The following PCDHGB4 variants were observed in gnomAD, a reference collection of about 807,000 sequenced individuals.
PCDHGB4 encodes the protein protocadherin gamma subfamily B, 4.
In PCDHGB4, 38 loss-of-function variants were observed where a neutral mutation model predicts 60.5. The ratio of observed to expected loss-of-function variants is 0.63; its 90% CI spans 0.48 to 0.82. The LOEUF (loss-of-function observed/expected upper bound fraction) is 0.82, where lower values mean the gene tolerates loss of function less well. PCDHGB4 is among the 40% of genes least tolerant of loss of function. The pLI is 0.00. For missense variants in PCDHGB4, 1,109 were observed against 1,209.6 expected, an observed-to-expected ratio of 0.92 and a Z score of 1.23; for synonymous variants, 456 against 509.7, an observed-to-expected ratio of 0.89 and a Z score of 1.42.
In PCDHGB4 at chr5:141,487,268, G is replaced by A; in HGVS notation, c.2398-7539G>A. ...CCTCTACTTGGCTGTGTCCCTAGTG[G>A]CAATTTGCTTTGTCTCCTTTGGCTC... On this transcript the variant is annotated intron_variant, in intron 1 of 3. Transcript: ENST00000519479. This position sits in a 1 kb window ranked among gnomAD's most constrained non-coding sequence, Gnocchi z 5.0. 4 of 1,614,100 alleles carry A rather than the reference G, an allele frequency of 2.5e-6. No homozygotes were observed. The South Asian group carries it at 4.4e-5, about 18-fold the overall frequency.
chr5:141,430,939 G>A, intron 1 of PCDHGB4: 1 of 1,607,854 alleles, frequency 6.2e-7, no homozygotes, highest in South Asian at 1.1e-5. Flanking sequence ...GGGAGCTCGC[G>A]GAGCGCGGAG....
At position 141,416,345 on chromosome 5, in the gene PCDHGB4, A is replaced by T. The variant is rs542527661; in HGVS notation, c.2397+26064A>T. ...ATTTAACTTTCATTGCTCAATAGGG[A>T]TCCTGAGGAGGCTATAGAGGGTGAA... On this transcript the variant is annotated intron_variant, in intron 1 of 3. Transcript: ENST00000519479. The T allele has an allele frequency of 4.6e-5, 7 of 152,330 alleles. No homozygotes were observed. In the East Asian group the frequency reaches 1.3e-3, roughly 29 times the overall value. The allele number at this position is 152,330 out of a possible 1,614,324, so 9.4% of individuals were successfully genotyped here. A position where few individuals can be genotyped will look rare whatever the true frequency, so the allele number is the denominator to read the frequency against.
intron 1 of PCDHGB4, chr5:141,403,154 T>G (rs1166937788): frequency 6.2e-7 from 1 of 1,614,024 alleles, no homozygotes; most frequent in Non-Finnish European, 8.5e-7. Flanking sequence ...CCGCATCGTC[T>G]CTAGAGGTAG....
At position 141,489,871 on chromosome 5, in the gene PCDHGB4, G is replaced by C; in HGVS notation, c.2398-4936G>C. ...TGAAGCCCAGGCAAGACATCAGCTGGTGCTTACTGCTGTGGATGGGGGGAC... is the reference window on the plus strand; with the variant it reads ...TGAAGCCCAGGCAAGACATCAGCTGCTGCTTACTGCTGTGGATGGGGGGAC... On this transcript the variant is annotated intron_variant, in intron 1 of 3. Coordinates refer to ENST00000519479, the MANE Select transcript of PCDHGB4 (RefSeq NM_003736.4). The surrounding 1 kb of genome is among the most constrained non-coding windows in gnomAD (Gnocchi z 4.5). 1 of 1,614,206 alleles carries C rather than the reference G, an allele frequency of 6.2e-7. No individual in the cohort carries two copies.
At chr5:141,404,782 G>A in intron 1 of PCDHGB4, 1 of 1,613,964 alleles carries the variant, frequency 6.2e-7, no homozygotes. Context: ...GCCTATTCAA[G>A]GCCAGTGAGC....
chr5:141,411,859 C>CA (rs553337516), intron 1 of PCDHGB4: 8,585 of 145,752 alleles, frequency 0.059, 330 homozygotes, highest in Non-Finnish European at 0.088. Context: ...GACCCTGTCT[C>CA]AAAAAAAAAA....
chr5:141,399,691 C>T (rs2093867392), intron 1 of PCDHGB4: 1 of 1,613,362 alleles, frequency 6.2e-7, no homozygotes, highest in Admixed American at 1.7e-5. Flanking sequence ...CGAGCAGCTG[C>T]GCACCTTCGA....
intron 1 of PCDHGB4, chr5:141,408,475 CCGT>C: frequency 6.2e-7 from 1 of 1,614,032 alleles, no homozygotes; most frequent in Non-Finnish European, 8.5e-7. Context: ...ACCGAATAGA[CCGT>C]GAGCAAATAT....
chr5:141,409,195 T>G lies in PCDHGB4; in HGVS notation c.2397+18914T>G, dbSNP rs750681435. 3.7e-6 allele frequency: 6 copies of G among 1,613,890 alleles called. No homozygotes were observed. The African/African-American group carries it at 8.0e-5, about 22-fold the overall frequency. On this transcript the variant is annotated intron_variant, in intron 1 of 3. Transcript: ENST00000519479. Reference sequence around the variant, plus strand: ...ACGGAGGTGGTCTCTCTACCCAGTGTAAAGTAATCATAGAAATCCTTGATG... The same window carrying G: ...ACGGAGGTGGTCTCTCTACCCAGTGGAAAGTAATCATAGAAATCCTTGATG...
chr5:141,502,373 C>A (rs2099813965), intron 2 of PCDHGB4, among the ~76,000 whole-genome samples: 1 of 151,806 alleles, frequency 6.6e-6, no homozygotes, highest in African/African-American at 2.4e-5. Context: ...TTAAAGAGTC[C>A]AGGCCAGTTG....
At chr5:141,483,187 GTTT>G (rs899657161) in intron 1 of PCDHGB4, among the ~76,000 whole-genome samples, 2 of 152,172 alleles carry the variant, frequency 1.3e-5, no homozygotes, top group African/African-American at 4.8e-5. Flanking sequence ...AAGCCAAGGA[GTTT>G]TTATTTTATT....
chr5:141,460,938 A>G (rs532872249), intron 1 of PCDHGB4, among the ~76,000 whole-genome samples: 38 of 149,918 alleles, frequency 2.5e-4, no homozygotes, highest in African/African-American at 9.1e-4. Context: ...GTGTGTGTAT[A>G]TATATGTATT....
rs374181150 is a variant in PCDHGB4, at chr5:141,477,134, G to C, written c.2398-17673G>C. The C allele has an allele frequency of 2.5e-5, 41 of 1,614,092 alleles. No homozygotes were observed. Among genetic ancestry groups the C allele is most frequent in the Non-Finnish European group, 3.4e-5 (40 of 1,180,056 alleles). ...CGAAGGAGCACATTGCAAAGTGTTG[G>C]TGGAGGTTGTGGATGTGAATGACAA... is the stretch of plus-strand genomic sequence containing the variant. On this transcript the variant is annotated intron_variant, in intron 1 of 3. Coordinates refer to ENST00000519479, the MANE Select transcript of PCDHGB4 (RefSeq NM_003736.4). The surrounding 1 kb of genome is among the most constrained non-coding windows in gnomAD (Gnocchi z 4.9).
intron 1 of PCDHGB4, chr5:141,399,067 G>A (rs774399021): frequency 4.3e-6 from 7 of 1,613,834 alleles, no homozygotes; most frequent in African/African-American, 1.3e-5. Context: ...ATATTCAATG[G>A]TTGTAGAAGG....
rs771459458 is a variant in PCDHGB4 at position 141,394,997 on chromosome 5, C to A, written c.2397+4716C>A. On this transcript the variant is annotated intron_variant, in intron 1 of 3. Coordinates refer to ENST00000519479, the MANE Select transcript of PCDHGB4 (RefSeq NM_003736.4). The stretch of plus-strand genomic sequence containing the variant: ...ACAAGTCACGCCTGCTCCAGGATTC[C>A]GGTGGCAGATTGGTAGGCGTGCCTG... 4 of 1,614,016 alleles carry A rather than the reference C, an allele frequency of 2.5e-6. No individual in the cohort carries two copies. In the South Asian group the frequency reaches 3.3e-5, roughly 13 times the overall value.
rs58019021 is a variant in PCDHGB4, at chr5:141,500,184, T to TTTTATTTATTTA, written c.2457-5178_2457-5167dup. Among the ~76,000 whole-genome samples, 232 of 135,962 alleles carry TTTTATTTATTTA rather than the reference T, an allele frequency of 1.7e-3. 1 individual carries two copies. The highest frequency in any genetic ancestry group is 6.4e-3 in the South Asian group (27 of 4,202). The allele number at this position is 135,962 out of a possible 152,430, so 89.2% of individuals were successfully genotyped here. A position where few individuals can be genotyped will look rare whatever the true frequency, so the allele number is the denominator to read the frequency against. The stretch of plus-strand genomic sequence containing the variant: ...GAACATGCATGAGCTTCATTTTTAT[T>TTTTATTTATTTA]TTTATTTATTTATTTATTTATTTAT... On this transcript the variant is annotated intron_variant, in intron 2 of 3. Transcript: ENST00000519479.
intron 1 of PCDHGB4, chr5:141,393,148 A>AT: frequency 6.2e-7 from 1 of 1,613,332 alleles, no homozygotes; most frequent in Non-Finnish European, 8.5e-7. Context: ...CTGGTTGAGG[A>AT]TAAAGGAAAA....
chr5:141,469,830 A>G (rs184478661), intron 1 of PCDHGB4, among the ~76,000 whole-genome samples: 1 of 152,124 alleles, frequency 6.6e-6, no homozygotes, highest in African/African-American at 2.4e-5. Flanking sequence ...GGTCACATAA[A>G]ACTTATTCTT....
chr5:141,404,746 A>T (rs1219726027), intron 1 of PCDHGB4: 2 of 1,613,308 alleles, frequency 1.2e-6, no homozygotes, highest in Admixed American at 3.3e-5. Flanking sequence ...ACAGAGACTC[A>T]GGCCAGAATG....
Sources: allele counts gnomAD v4.1 joint callset (sites outside exome capture counted in the v4.1 genomes callset), GRCh38; gene constraint gnomAD v4.1.1; non-coding constraint Gnocchi (gnomAD v3.1); transcripts MANE v1.5; gene names NCBI Gene and HGNC (gene_info 2026-07-23, HGNC 2026-07-21).